The following SH3KBP1 variants were observed in gnomAD, a reference collection of about 807,000 sequenced individuals.
SH3KBP1 encodes SH3 domain containing kinase binding protein 1.
In SH3KBP1, 8 loss-of-function variants were observed where a neutral mutation model predicts 50.1. The observed-to-expected ratio is 0.16, with a 90% confidence interval of 0.09 to 0.29. The LOEUF (loss-of-function observed/expected upper bound fraction) is 0.29. SH3KBP1 is among the 10% of genes least tolerant of loss of function. SH3KBP1 has a pLI of 1.00. For missense variants in SH3KBP1, 377 were observed against 535.2 expected, an observed-to-expected ratio of 0.70 and a Z score of 2.92; for synonymous variants, 227 against 218.6, an observed-to-expected ratio of 1.04 and a Z score of -0.34.
At chrX:19,854,984 T>A (rs2068606430) in intron 1 of SH3KBP1, among the ~76,000 whole-genome samples, 1 of 111,757 alleles carries the variant, frequency 8.9e-6, no homozygotes, top group South Asian at 3.7e-4. Context: ...CTTTTTCTTT[T>A]TCTTTTTTTC....
intron 7 of SH3KBP1, among the ~76,000 whole-genome samples, chrX:19,634,906 G>A (rs2061667429): frequency 9.0e-6 from 1 of 111,223 alleles, no homozygotes; most frequent in African/African-American, 3.3e-5. Flanking sequence ...TGGGGAGTAG[G>A]GCTGTCCCAT....
intron 3 of SH3KBP1, among the ~76,000 whole-genome samples, chrX:19,726,059 C>T (rs2064214507): frequency 9.0e-6 from 1 of 111,662 alleles, no homozygotes; most frequent in African/African-American, 3.3e-5. Flanking sequence ...ATTAGCTGAA[C>T]CCAGGAAGAT....
intron 8 of SH3KBP1, among the ~76,000 whole-genome samples, chrX:19,617,351 C>T (rs1183849570): frequency 8.9e-6 from 1 of 111,968 alleles, no homozygotes; most frequent in East Asian, 2.8e-4. Flanking sequence ...CTATAATAGC[C>T]GCAACCCCAA....
At chrX:19,622,922 A>G (rs2067885461) in intron 8 of SH3KBP1, among the ~76,000 whole-genome samples, 1 of 109,711 alleles carries the variant, frequency 9.1e-6, no homozygotes, top group South Asian at 4.0e-4. Context: ...ACAGGCCTGT[A>G]GTCCCAGCTC....
chrX:19,748,995 C>T (rs146578293), intron 2 of SH3KBP1, among the ~76,000 whole-genome samples: 88 of 112,360 alleles, frequency 7.8e-4, no homozygotes, highest in African/African-American at 2.5e-3. Context: ...CTTGAATAGA[C>T]GTTTCTCCAA....
intron 2 of SH3KBP1, among the ~76,000 whole-genome samples, chrX:19,782,068 G>T (rs2066198011): frequency 9.0e-6 from 1 of 111,568 alleles, no homozygotes; most frequent in East Asian, 2.8e-4. Flanking sequence ...GATCTTATTT[G>T]GGGAAAGGGT....
At chrX:19,549,102 A>G (rs1156902040) in intron 14 of SH3KBP1, among the ~76,000 whole-genome samples, 2 of 112,334 alleles carry the variant, frequency 1.8e-5, no homozygotes. Context: ...CATAGGTTAG[A>G]AAAATGGGCA....
chrX:19,781,343 C>T (rs1014401650), intron 2 of SH3KBP1, among the ~76,000 whole-genome samples: 1 of 111,075 alleles, frequency 9.0e-6, no homozygotes, highest in Non-Finnish European at 1.9e-5. Context: ...TTAGGCCAAG[C>T]ATGGTGGCTC....
intron 3 of SH3KBP1, among the ~76,000 whole-genome samples, chrX:19,739,924 T>C (rs1175134967): frequency 9.1e-6 from 1 of 110,092 alleles, no homozygotes; most frequent in Non-Finnish European, 1.9e-5. Flanking sequence ...CCAGCAGGAG[T>C]ATGGCGGGAG....
intron 3 of SH3KBP1, among the ~76,000 whole-genome samples, chrX:19,743,773 T>A (rs1261559494): frequency 8.9e-6 from 1 of 112,569 alleles, no homozygotes; most frequent in East Asian, 2.8e-4. Flanking sequence ...GCTAGGACTA[T>A]CTCAAGTTCA....
At chrX:19,745,891 G>A (rs2064905375) in intron 3 of SH3KBP1, among the ~76,000 whole-genome samples, 1 of 112,559 alleles carries the variant, frequency 8.9e-6, no homozygotes, top group South Asian at 3.6e-4. Flanking sequence ...CAAACTCAGA[G>A]AGGCAGGGTC....
At chrX:19,746,147 A>G (rs1377431151) in intron 3 of SH3KBP1, among the ~76,000 whole-genome samples, 171 bp downstream of exon 3, 1 of 113,250 alleles carries the variant, frequency 8.8e-6, no homozygotes, top group African/African-American at 3.2e-5. Flanking sequence ...TACAGTTACT[A>G]TACATATAGT....
intron 12 of SH3KBP1, among the ~76,000 whole-genome samples, chrX:19,577,478 T>A (rs747876596): frequency 1.5e-4 from 17 of 111,367 alleles, no homozygotes; most frequent in African/African-American, 4.6e-4. Context: ...ACAAAAATCA[T>A]GCACTCGACC....
intron 6 of SH3KBP1, among the ~76,000 whole-genome samples, chrX:19,657,845 A>G (rs994502879): frequency 1.8e-5 from 2 of 108,320 alleles, no homozygotes; most frequent in African/African-American, 6.8e-5. Context: ...GTATGATTTC[A>G]CTTTTATATA....
chrX:19,561,045 G>C (rs761414630), intron 13 of SH3KBP1, among the ~76,000 whole-genome samples: 23 of 95,705 alleles, frequency 2.4e-4, no homozygotes, highest in Admixed American at 8.6e-4. Context: ...CTGCACTCCA[G>C]CCTGGGCAAC....
chrX:19,609,950 TCA>T (rs2067361991), intron 8 of SH3KBP1, among the ~76,000 whole-genome samples: 2 of 111,702 alleles, frequency 1.8e-5, no homozygotes, highest in African/African-American at 6.5e-5. Context: ...AAGGCCCACC[TCA>T]GGTAGCAAGT....
At chrX:19,845,605 T>C (rs990100573) in intron 1 of SH3KBP1, among the ~76,000 whole-genome samples, 1 of 110,767 alleles carries the variant, frequency 9.0e-6, no homozygotes. Flanking sequence ...CAGTGGAATC[T>C]TAGAAAACCA....
intron 2 of SH3KBP1, among the ~76,000 whole-genome samples, chrX:19,787,842 T>A (rs2066396826): frequency 8.9e-6 from 1 of 111,801 alleles, no homozygotes; most frequent in South Asian, 3.7e-4. Context: ...TTCGCTGAAA[T>A]CTGCATGGCA....
In SH3KBP1 at chrX:19,598,227, G is replaced by GTTTT. The variant is rs1188774458; in HGVS notation, c.1006-3231_1006-3228dup. Among the ~76,000 whole-genome samples the GTTTT allele has an allele frequency of 2.5e-3, 248 of 98,217 alleles. 1 individual carries two copies. Among genetic ancestry groups the GTTTT allele is most frequent in the African/African-American group, 9.7e-3 (240 of 24,803 alleles). 85.3% of individuals were successfully genotyped at this position (98,217 alleles called of 115,157 possible). On this transcript the variant is annotated intron_variant, in intron 9 of 17. Transcript: ENST00000397821. Reference sequence around the variant, plus strand: ...CTTTCTCCATATCATCAGCAAGTCTGTTTTTATTTATTTATTTATTTATTT... The same window carrying GTTTT: ...CTTTCTCCATATCATCAGCAAGTCTGTTTTTTTTTATTTATTTATTTATTTATTT...
Sources: allele counts gnomAD v4.1 joint callset (sites outside exome capture counted in the v4.1 genomes callset), GRCh38; gene constraint gnomAD v4.1.1; transcripts MANE v1.5; gene names NCBI Gene and HGNC (gene_info 2026-07-23, HGNC 2026-07-21).